The following REEP3 variants were observed in gnomAD, a reference collection of about 807,000 sequenced individuals.
REEP3 encodes receptor accessory protein 3.
REEP3 carries 20 observed loss-of-function variants against 41.3 expected under a neutral mutation model. The observed-to-expected ratio is 0.48, with a 90% CI of 0.34 to 0.70. The LOEUF is 0.70. REEP3 is among the 30% of genes least tolerant of loss of function. The pLI is 0.01. For synonymous variants in REEP3, 104 were observed against 101.8 expected, an observed-to-expected ratio of 1.02 and a Z score of -0.13; for missense variants, 271 against 308.8, an observed-to-expected ratio of 0.88 and a Z score of 0.92.
chr10:63,561,582 G>A (rs994889825), intron 1 of REEP3, among the ~76,000 whole-genome samples: 3 of 152,250 alleles, frequency 2.0e-5, no homozygotes, highest in African/African-American at 7.2e-5. Flanking sequence ...GGGTGAAGAG[G>A]CCCGCTAGTG....
intron 6 of REEP3, among the ~76,000 whole-genome samples, chr10:63,614,332 T>C (rs572824280): frequency 1.8e-4 from 28 of 152,296 alleles, no homozygotes; most frequent in African/African-American, 5.8e-4. Flanking sequence ...GAAACAATCA[T>C]GGTCATTTAT....
chr10:63,562,893 G>C (rs1955756075), intron 1 of REEP3: 3 of 456,324 alleles, frequency 6.6e-6, no homozygotes, highest in Admixed American at 4.7e-5. Flanking sequence ...CTAACCCCCT[G>C]CGCATCAGAA....
intron 1 of REEP3, among the ~76,000 whole-genome samples, chr10:63,542,222 G>C (rs1955535279): frequency 6.6e-6 from 1 of 152,002 alleles, no homozygotes; most frequent in Non-Finnish European, 1.5e-5. Flanking sequence ...TGGGATTACA[G>C]GCATGCACAC....
intron 1 of REEP3, chr10:63,563,062 C>CT (rs1236643064): frequency 2.2e-6 from 1 of 450,128 alleles, no homozygotes; most frequent in African/African-American, 2.0e-5. Flanking sequence ...AGCTAGAAGG[C>CT]TACAAGCCAA....
chr10:63,616,233 G>A (rs1956311378), intron 6 of REEP3, among the ~76,000 whole-genome samples: 1 of 151,990 alleles, frequency 6.6e-6, no homozygotes, highest in African/African-American at 2.4e-5. Flanking sequence ...CTCCTACAAG[G>A]CCTTCTCTCA....
chr10:63,591,502 G>T (rs1956063604), intron 2 of REEP3, among the ~76,000 whole-genome samples: 1 of 152,176 alleles, frequency 6.6e-6, no homozygotes, highest in Admixed American at 6.5e-5. Flanking sequence ...TAGAACTGTA[G>T]TCAATTCACC....
At chr10:63,591,288 C>A (rs1956061124) in intron 2 of REEP3, among the ~76,000 whole-genome samples, 1 of 151,936 alleles carries the variant, frequency 6.6e-6, no homozygotes, top group Admixed American at 6.6e-5. Flanking sequence ...AAAAAGAAAG[C>A]AATATATTTT....
At position 63,521,570 on chromosome 10, in the gene REEP3, G is replaced by A; in HGVS notation, c.25G>A (p.Ala9Thr). 7.0e-7 allele frequency: 1 copy of A among 1,433,254 alleles called. No homozygotes were observed. Among genetic ancestry groups the A allele is most frequent in the South Asian group, 1.4e-5 (1 of 69,052 alleles). 88.8% of individuals were successfully genotyped at this position (1,433,254 alleles called of 1,614,324 possible). A position where few individuals can be genotyped will look rare whatever the true frequency, so the allele number is the denominator to read the frequency against. The change falls in exon 1 of 8, where the codon GCC (alanine) becomes ACC (threonine). Residue 9 changes from alanine (A) to threonine (T), a missense_variant. Coordinates refer to ENST00000373758, the MANE Select transcript of REEP3 (RefSeq NM_001001330.3). ...GATGGTGTCCTGGATGATCTCCAGA[G>A]CCGTGGTGTAAGTGCCTCTCACTGC... MVSWMISRAVVLVFGMLYP... is the reference protein window; with the variant it reads MVSWMISRTVVLVFGMLYP...
chr10:63,530,080 A>G (rs1439396132), intron 1 of REEP3, among the ~76,000 whole-genome samples: 1 of 152,118 alleles, frequency 6.6e-6, no homozygotes, highest in Non-Finnish European at 1.5e-5. Context: ...CGCCCTGATG[A>G]ATGTCATTTT....
intron 1 of REEP3, among the ~76,000 whole-genome samples, chr10:63,535,581 A>G (rs2133345084): frequency 6.6e-6 from 1 of 152,290 alleles, no homozygotes; most frequent in Non-Finnish European, 1.5e-5. Flanking sequence ...TTTCACTATT[A>G]CATGTCATGA....
At chr10:63,569,662 C>G (rs542726066) in intron 2 of REEP3, among the ~76,000 whole-genome samples, 53 of 152,226 alleles carry the variant, frequency 3.5e-4, no homozygotes, top group African/African-American at 1.2e-3. Flanking sequence ...ATAGGCTTGG[C>G]CACGTGCAGT....
intron 1 of REEP3, among the ~76,000 whole-genome samples, chr10:63,559,350 T>C (rs890374943): frequency 5.3e-5 from 8 of 152,204 alleles, no homozygotes; most frequent in African/African-American, 1.9e-4. Flanking sequence ...ATACAATTCA[T>C]TTTTCAAACA....
At chr10:63,574,037 A>G (rs926162898) in intron 2 of REEP3, among the ~76,000 whole-genome samples, 4 of 152,218 alleles carry the variant, frequency 2.6e-5, no homozygotes, top group African/African-American at 2.4e-5. Flanking sequence ...AAGGCTTATT[A>G]TGGAAAACAG....
In REEP3 at chr10:63,541,411, G is replaced by C. The variant is rs182102435; in HGVS notation, c.32+19834G>C. ...GATTTTCCATAGAACCCTAGAATTT[G>C]CTTACTAGGTACAATTCATTTTTCT... On this transcript the variant is annotated intron_variant, in intron 1 of 7. Coordinates refer to ENST00000373758, the MANE Select transcript of REEP3 (RefSeq NM_001001330.3). Among the ~76,000 whole-genome samples, 23 of 152,262 alleles carry C rather than the reference G, an allele frequency of 1.5e-4. No homozygotes were observed. In the East Asian group the frequency reaches 3.5e-3, roughly 23 times the overall value.
chr10:63,552,056 A>G (rs1426427803), intron 1 of REEP3, among the ~76,000 whole-genome samples: 7 of 152,172 alleles, frequency 4.6e-5, no homozygotes, highest in African/African-American at 1.7e-4. Context: ...TAATTATTAT[A>G]TCTCCTAAAT....
Position 63,610,194 on chromosome 10 carries a change from G to A in REEP3, c.425G>A (p.Gly142Glu), listed in dbSNP as rs753282196. The A allele has an allele frequency of 3.7e-6, 6 of 1,609,606 alleles. No individual in the cohort carries two copies. Among genetic ancestry groups the A allele is most frequent in the Non-Finnish European group, 5.1e-6 (6 of 1,177,726 alleles). Reference protein sequence around the residue: ...AAVTAAVKSQGAITERLRSFS... With the variant: ...AAVTAAVKSQEAITERLRSFS... Reference sequence around the variant, plus strand: ...CACTTCTCTGTTAAATAGAGCCAAGGAGCAATAACTGAACGTTTAAGAAGC... The same window carrying A: ...CACTTCTCTGTTAAATAGAGCCAAGAAGCAATAACTGAACGTTTAAGAAGC... The change falls in exon 6 of 8, where the codon GGA becomes GAA. Residue 142 changes from glycine (G) to glutamate (E), a missense_variant. Transcript: ENST00000373758.
Position 63,623,066 on chromosome 10 carries a change from T to A in REEP3, c.*2197T>A, listed in dbSNP as rs1956367520. 6.6e-6 allele frequency: 1 copy of A among 152,226 alleles called. No homozygotes were observed. Among genetic ancestry groups the A allele is most frequent in the African/African-American group, 2.4e-5 (1 of 41,460 alleles). The allele number at this position is 152,226 out of a possible 1,614,324, so 9.4% of individuals were successfully genotyped here. On this transcript the variant is annotated 3_prime_UTR_variant, in exon 8 of 8. Transcript: ENST00000373758. ...AACCTATTCTTTAGTAAACTCATAT[T>A]ACTGTTCTAAATTGAAGAAATTATT... is the stretch of plus-strand genomic sequence containing the variant.
At chr10:63,557,315 A>G (rs1036366507) in intron 1 of REEP3, among the ~76,000 whole-genome samples, 9 of 152,358 alleles carry the variant, frequency 5.9e-5, no homozygotes, top group Admixed American at 1.3e-4. Flanking sequence ...CTTGAAGAGC[A>G]TAGTAAAATG....
rs1014962660 is a variant in REEP3 at position 63,623,101 on chromosome 10, G to A, written c.*2232G>A. The stretch of plus-strand genomic sequence containing the variant: ...AATTGAAGAAATTATTTATTACTCT[G>A]TACTTCTAGACTCAAAATTCTTTAT... On this transcript the variant is annotated 3_prime_UTR_variant, in exon 8 of 8. Coordinates refer to ENST00000373758, the MANE Select transcript of REEP3 (RefSeq NM_001001330.3). 6.6e-6 allele frequency: 1 copy of A among 152,138 alleles called. No homozygotes were observed. Among genetic ancestry groups the A allele is most frequent in the African/African-American group, 2.4e-5 (1 of 41,422 alleles). 9.4% of individuals were successfully genotyped at this position (152,138 alleles called of 1,614,324 possible). A position where few individuals can be genotyped will look rare whatever the true frequency, so the allele number is the denominator to read the frequency against.
Sources: gnomAD v4.1 joint callset for allele counts (sites outside exome capture counted in the v4.1 genomes callset) on GRCh38, gnomAD v4.1.1 for gene constraint, MANE v1.5 for transcripts, NCBI Gene and HGNC (gene_info 2026-07-23, HGNC 2026-07-21) for gene names.